TRAPPC8: variants seen among roughly 807,000 people sequenced by gnomAD.
TRAPPC8 encodes the protein general sporulation gene 1 homolog.
In TRAPPC8, 54 loss-of-function variants were observed where a neutral mutation model predicts 174.3. That is an observed-to-expected ratio of 0.31 (90% CI 0.25 to 0.39). The LOEUF is 0.39. Ranked by LOEUF, TRAPPC8 falls within the 10% of genes least tolerant of loss-of-function variation. TRAPPC8 has a pLI of 1.00. For synonymous variants in TRAPPC8, 630 were observed against 579.9 expected (o/e 1.09, Z -1.24); for missense variants, 1,531 against 1,699.1 (o/e 0.90, Z 1.74).
Position 31,916,434 on chromosome 18 carries a change from G to A in TRAPPC8, c.455C>T (p.Ala152Val), listed in dbSNP as rs764133299. 15 of 1,610,136 alleles carry A rather than the reference G, an allele frequency of 9.3e-6. No individual in the cohort carries two copies. The highest frequency in any genetic ancestry group is 5.6e-5 in the South Asian group (5 of 90,038). The change falls in exon 4 of 29, where the codon GCG (alanine) becomes GTG (valine). Residue 152 changes from alanine to valine, a missense_variant. Transcript: ENST00000283351. ...LNHYLACMLV[A>V]SSSEAEPVEQ... ...CACAGGTTCAGCTTCACTAGATGAC[G>A]CTACCAACATACCTTGTAAACCATA...
At chr18:31,852,342 CA>C (rs34032798) in intron 24 of TRAPPC8, 103 bp downstream of exon 24, 125 of 1,317,180 alleles carry the variant, frequency 9.5e-5, no homozygotes, top group Admixed American at 2.7e-4. Flanking sequence ...GTCTCCCCCC[CA>C]AAAAAAAGCG....
intron 5 of TRAPPC8, among the ~76,000 whole-genome samples, chr18:31,910,420 G>C (rs2036856645): frequency 6.6e-6 from 1 of 152,172 alleles, no homozygotes; most frequent in Non-Finnish European, 1.5e-5. Flanking sequence ...AAAGTCTGAA[G>C]CCACTCCTTG....
intron 28 of TRAPPC8, among the ~76,000 whole-genome samples, chr18:31,831,354 GA>G (rs1417598098): frequency 6.6e-6 from 1 of 152,142 alleles, no homozygotes; most frequent in Non-Finnish European, 1.5e-5. Context: ...ATCTCAAGAA[GA>G]AAACAAACAT....
intron 2 of TRAPPC8, among the ~76,000 whole-genome samples, chr18:31,925,085 C>G (rs1392356810): frequency 6.6e-6 from 1 of 151,996 alleles, no homozygotes; most frequent in Non-Finnish European, 1.5e-5. Context: ...AGCCTTACCA[C>G]CCAATAAAGA....
At chr18:31,893,929 C>A (rs1389906879) in intron 11 of TRAPPC8, among the ~76,000 whole-genome samples, 1 of 152,156 alleles carries the variant, frequency 6.6e-6, no homozygotes, top group Non-Finnish European at 1.5e-5. Flanking sequence ...GGGCAGCAAT[C>A]CTGGACATTC....
At chr18:31,921,309 T>A (rs898596384) in intron 2 of TRAPPC8, among the ~76,000 whole-genome samples, 3 of 152,044 alleles carry the variant, frequency 2.0e-5, no homozygotes, top group African/African-American at 4.8e-5. Context: ...ATCGACCAAG[T>A]GCTGTGAATA....
At chr18:31,934,403 T>A (rs959806443) in intron 1 of TRAPPC8, among the ~76,000 whole-genome samples, 1 of 152,120 alleles carries the variant, frequency 6.6e-6, no homozygotes, top group Non-Finnish European at 1.5e-5. Flanking sequence ...TCTTGTATTA[T>A]CTGCATTCTT....
At chr18:31,919,491 T>C (rs571545475) in intron 2 of TRAPPC8, among the ~76,000 whole-genome samples, 4 of 150,270 alleles carry the variant, frequency 2.7e-5, no homozygotes, top group African/African-American at 9.8e-5. Context: ...TGAGATGGCG[T>C]CACTGTACTC....
chr18:31,880,540 C>T (rs1202835203), intron 12 of TRAPPC8, among the ~76,000 whole-genome samples: 1 of 151,988 alleles, frequency 6.6e-6, no homozygotes, highest in Non-Finnish European at 1.5e-5. Flanking sequence ...CAGCCAAAAT[C>T]ATATTGAATG....
chr18:31,934,517 A>C (rs140919429), intron 1 of TRAPPC8, among the ~76,000 whole-genome samples: 17 of 152,284 alleles, frequency 1.1e-4, no homozygotes, highest in African/African-American at 1.9e-4. Flanking sequence ...AACAAACAAA[A>C]AAACTATGGT....
intron 9 of TRAPPC8, among the ~76,000 whole-genome samples, chr18:31,907,206 C>A (rs954532344): frequency 2.6e-5 from 4 of 152,006 alleles, no homozygotes; most frequent in African/African-American, 9.7e-5. Flanking sequence ...TGGTCTCAAA[C>A]GCTTGGGCTC....
At chr18:31,891,419 A>G (rs2035949859) in intron 11 of TRAPPC8, among the ~76,000 whole-genome samples, 1 of 152,214 alleles carries the variant, frequency 6.6e-6, no homozygotes, top group Non-Finnish European at 1.5e-5. Context: ...TTTCATTAAA[A>G]AGTTCACAAT....
At chr18:31,911,215 C>T (rs1439780636) in intron 5 of TRAPPC8, among the ~76,000 whole-genome samples, 2 of 152,016 alleles carry the variant, frequency 1.3e-5, no homozygotes, top group African/African-American at 4.8e-5. Context: ...ATATATTTTC[C>T]ATTTACTTAA....
At chr18:31,906,576 CAT>C (rs2036669791) in intron 9 of TRAPPC8, among the ~76,000 whole-genome samples, 1 of 152,106 alleles carries the variant, frequency 6.6e-6, no homozygotes, top group Non-Finnish European at 1.5e-5. Flanking sequence ...TATAAGCTTA[CAT>C]GTCTTTTAAA....
At position 31,844,449 on chromosome 18, in the gene TRAPPC8, G is replaced by T. The variant is rs2033277103; in HGVS notation, c.3837+2267C>A. On this transcript the variant is annotated intron_variant, in intron 26 of 28. Coordinates refer to ENST00000283351, the MANE Select transcript of TRAPPC8 (RefSeq NM_014939.5). Reference sequence around the variant, plus strand: ...CCTGGTTTGGAGTGTTCCTCAGTTTGTGAAAATCAAATAAGCTATTTACTT... The same window carrying T: ...CCTGGTTTGGAGTGTTCCTCAGTTTTTGAAAATCAAATAAGCTATTTACTT... 2.6e-5 allele frequency: 4 copies of T among 152,038 alleles called. No individual in the cohort carries two copies. The South Asian group carries it at 8.3e-4, about 31-fold the overall frequency. 9.4% of individuals were successfully genotyped at this position (152,038 alleles called of 1,614,324 possible).
At chr18:31,933,270 C>T (rs994095397) in intron 1 of TRAPPC8, among the ~76,000 whole-genome samples, 1 of 145,336 alleles carries the variant, frequency 6.9e-6, no homozygotes, top group Non-Finnish European at 1.5e-5. Flanking sequence ...CACTGCACTC[C>T]AGCCTGGGCA....
intron 2 of TRAPPC8, among the ~76,000 whole-genome samples, chr18:31,927,938 T>C (rs778465650): frequency 3.9e-4 from 59 of 152,082 alleles, no homozygotes; most frequent in Non-Finnish European, 6.6e-4. Context: ...GCAGATCACT[T>C]GAGGTCAGGA....
chr18:31,840,529 T>C (rs1338398783), intron 26 of TRAPPC8, among the ~76,000 whole-genome samples: 3 of 152,238 alleles, frequency 2.0e-5, no homozygotes, highest in African/African-American at 7.2e-5. Context: ...TGATTTATAA[T>C]TTTCTGATAG....
At chr18:31,909,623 A>G (rs1265784325) in intron 6 of TRAPPC8, 44 bp downstream of exon 6, 2 of 1,577,280 alleles carry the variant, frequency 1.3e-6, no homozygotes, top group South Asian at 1.2e-5. Flanking sequence ...ACAACAGTGC[A>G]TATTTTCAAT....
Sources: allele counts gnomAD v4.1 joint callset (sites outside exome capture counted in the v4.1 genomes callset), GRCh38; gene constraint gnomAD v4.1.1; transcripts MANE v1.5; gene names NCBI Gene and HGNC (gene_info 2026-07-23, HGNC 2026-07-21).